The following MAMDC2 variants were observed in gnomAD, a reference collection of about 807,000 sequenced individuals.
MAMDC2 encodes MAM domain-containing protein 2.
In MAMDC2, 57 loss-of-function variants were observed where a neutral mutation model predicts 89.8. The observed-to-expected ratio is 0.63, with a 90% CI of 0.51 to 0.79. MAMDC2 has a LOEUF of 0.79. Among genes scored for constraint, MAMDC2 ranks in the 30% least tolerant of loss-of-function variants. The pLI, the probability that MAMDC2 is intolerant of heterozygous loss-of-function variation, is 0.00. For synonymous variants in MAMDC2, 313 were observed against 293.4 expected, an observed-to-expected ratio of 1.07 and a Z score of -0.68; for missense variants, 800 against 820.6, an observed-to-expected ratio of 0.97 and a Z score of 0.31.
At chr9:70,080,804 C>A (rs1364520873) in intron 2 of MAMDC2, among the ~76,000 whole-genome samples, 1 of 152,166 alleles carries the variant, frequency 6.6e-6, no homozygotes, top group African/African-American at 2.4e-5. Context: ...TTTTAATCCC[C>A]AAACAGGTCT....
intron 9 of MAMDC2, 55 bp downstream of exon 9, chr9:70,143,874 T>C (rs1344970094): frequency 1.3e-6 from 2 of 1,583,434 alleles, no homozygotes; most frequent in Non-Finnish European, 1.7e-6. Flanking sequence ...ACTAGTTTTG[T>C]GAATGTCCGT....
chr9:70,106,199 T>C (rs904503676), intron 2 of MAMDC2, among the ~76,000 whole-genome samples: 1 of 152,146 alleles, frequency 6.6e-6, no homozygotes, highest in Non-Finnish European at 1.5e-5. Context: ...AGTTGTCCCT[T>C]TCTGGAGTGG....
intron 11 of MAMDC2, among the ~76,000 whole-genome samples, chr9:70,179,861 G>C (rs1323666031): frequency 8.2e-6 from 1 of 121,274 alleles, no homozygotes; most frequent in Non-Finnish European, 1.6e-5. Flanking sequence ...AGGATAAATG[G>C]ATAAAATATT....
At position 70,047,036 on chromosome 9, in the gene MAMDC2, A is replaced by T. The variant is rs1328991478; in HGVS notation, c.148+2339A>T. Among the ~76,000 whole-genome samples, 4 of 152,200 alleles carry T rather than the reference A, an allele frequency of 2.6e-5. No homozygotes were observed. The East Asian group carries it at 7.7e-4, about 29-fold the overall frequency. ...AAATTAAAGATAATAAAATTCTTCC[A>T]GGCTGAAATTTGGCAAGCTGTTCAC... On this transcript the variant is annotated intron_variant, in intron 2 of 13. Transcript: ENST00000377182.
chr9:70,180,297 T>C (rs2032612637), intron 11 of MAMDC2, among the ~76,000 whole-genome samples: 1 of 152,238 alleles, frequency 6.6e-6, no homozygotes, highest in African/African-American at 2.4e-5. Flanking sequence ...AAGTCTTTGC[T>C]ATTGTAAATA....
In MAMDC2 at chr9:70,140,296, A is replaced by G. The variant is rs2031168450; in HGVS notation, c.1138+8A>G. 1 of 1,591,178 alleles carries G rather than the reference A, an allele frequency of 6.3e-7. No homozygotes were observed. Among genetic ancestry groups the G allele is most frequent in the Non-Finnish European group, 8.5e-7 (1 of 1,171,676 alleles). The stretch of plus-strand genomic sequence containing the variant: ...ACCACACTACAGGCTTAGGTAAATC[A>G]GAGATCTGTCTATGTGGGGACATCT... On this transcript the variant is annotated splice_region_variant and intron_variant, in intron 8 of 13. Transcript: ENST00000377182.
At chr9:70,176,169 T>C (rs1398155420) in intron 11 of MAMDC2, among the ~76,000 whole-genome samples, 2 of 152,236 alleles carry the variant, frequency 1.3e-5, no homozygotes, top group Non-Finnish European at 2.9e-5. Context: ...AAAATAATGT[T>C]ATAGTCTGAG....
rs551639248 is a variant in MAMDC2 at position 70,141,971 on chromosome 9, G to A, written c.1139-1583G>A. On this transcript the variant is annotated intron_variant, in intron 8 of 13. Transcript: ENST00000377182. Reference sequence around the variant, plus strand: ...AGGAAATTTTATGACCTGCTTTTAAGTATAATAGAAAAGGGGAGGTCAAAG... The same window carrying A: ...AGGAAATTTTATGACCTGCTTTTAAATATAATAGAAAAGGGGAGGTCAAAG... 8.7e-4 allele frequency among the ~76,000 whole-genome samples: 132 copies of A among 152,290 alleles called. 1 individual carries two copies. In the South Asian group the frequency reaches 0.026, roughly 29 times the overall value.
intron 9 of MAMDC2, among the ~76,000 whole-genome samples, chr9:70,159,767 C>A (rs953596892): frequency 6.6e-6 from 1 of 152,210 alleles, no homozygotes; most frequent in Non-Finnish European, 1.5e-5. Flanking sequence ...TTAAATTGGT[C>A]TTTACATTTT....
At chr9:70,175,976 A>G (rs1008829662) in intron 11 of MAMDC2, 4 of 152,208 alleles carry the variant, frequency 2.6e-5, no homozygotes, top group African/African-American at 4.8e-5. Flanking sequence ...AAAAGGTTCT[A>G]TCTCCAAATA....
chr9:70,212,279 G>C (rs528456070), intron 11 of MAMDC2, among the ~76,000 whole-genome samples: 3 of 152,384 alleles, frequency 2.0e-5, no homozygotes, highest in African/African-American at 7.2e-5. Flanking sequence ...GCTCCACCCA[G>C]TTGGCCCTTC....
At chr9:70,129,763 C>T (rs892930779) in intron 6 of MAMDC2, among the ~76,000 whole-genome samples, 6 of 152,124 alleles carry the variant, frequency 3.9e-5, no homozygotes, top group Admixed American at 3.3e-4. Flanking sequence ...CATTAGGCCT[C>T]GTATTTGTTT....
rs1826667448 is a variant in MAMDC2 at position 70,043,975 on chromosome 9, G to A, written c.-223G>A. ...TGACCTGAGGCTGCTGCTCAGCGCC[G>A]GGGCGCTGGCGCTCTCCATTCGAGC... is the stretch of plus-strand genomic sequence containing the variant. On this transcript the variant is annotated 5_prime_UTR_variant, in exon 1 of 14. Transcript: ENST00000377182. 5 of 605,700 alleles carry A rather than the reference G, an allele frequency of 8.3e-6. No homozygotes were observed. Among genetic ancestry groups the A allele is most frequent in the Non-Finnish European group, 1.2e-5 (4 of 342,182 alleles). The allele number at this position is 605,700 out of a possible 1,614,324, so 37.5% of individuals were successfully genotyped here.
At chr9:70,078,833 A>G (rs976900238) in intron 2 of MAMDC2, among the ~76,000 whole-genome samples, 2 of 152,056 alleles carry the variant, frequency 1.3e-5, no homozygotes, top group Non-Finnish European at 2.9e-5. Flanking sequence ...AGCCAAGCCT[A>G]TCATGCAAGC....
At chr9:70,220,828 A>T (rs1232289524) in intron 12 of MAMDC2, among the ~76,000 whole-genome samples, 2 of 152,216 alleles carry the variant, frequency 1.3e-5, no homozygotes, top group African/African-American at 4.8e-5. Context: ...GAGTTTATAC[A>T]TTCTCAAAAT....
intron 2 of MAMDC2, among the ~76,000 whole-genome samples, chr9:70,100,700 G>A (rs1012851369): frequency 1.3e-5 from 2 of 152,148 alleles, no homozygotes; most frequent in African/African-American, 2.4e-5. Context: ...GCTTAGCATG[G>A]CTAGCCAGGA....
intron 2 of MAMDC2, among the ~76,000 whole-genome samples, chr9:70,085,114 A>G (rs1379296993): frequency 2.6e-5 from 4 of 152,114 alleles, no homozygotes; most frequent in African/African-American, 9.7e-5. Context: ...GCCCCTTGTC[A>G]TTCACAGCAA....
chr9:70,060,312 A>G (rs1203193726), intron 2 of MAMDC2, among the ~76,000 whole-genome samples: 1 of 152,214 alleles, frequency 6.6e-6, no homozygotes, highest in African/African-American at 2.4e-5. Context: ...GTGGCAATTC[A>G]GCCTTAGCAA....
chr9:70,217,930 A>G (rs915751742), intron 11 of MAMDC2, among the ~76,000 whole-genome samples: 6 of 152,224 alleles, frequency 3.9e-5, no homozygotes, highest in African/African-American at 7.2e-5. Flanking sequence ...TCACATAAAC[A>G]ACAAATATTA....
Sources: gnomAD v4.1 joint callset for allele counts (sites outside exome capture counted in the v4.1 genomes callset) on GRCh38, gnomAD v4.1.1 for gene constraint, MANE v1.5 for transcripts, NCBI Gene and HGNC (gene_info 2026-07-23, HGNC 2026-07-21) for gene names.